Variants in POTED observed in about 807,000 individuals in gnomAD.
The protein encoded by POTED is ANKRD26-like family B member 3.
In POTED, 7 loss-of-function variants were observed where a neutral mutation model predicts 19.0. That is an observed-to-expected ratio of 0.37 (90% confidence interval 0.21 to 0.69). POTED has a LOEUF of 0.69. Ranked by LOEUF, POTED falls within the 30% of genes least tolerant of loss-of-function variation. POTED has a pLI of 0.56. For missense variants in POTED, 54 were observed against 278.5 expected, an observed-to-expected ratio of 0.19 and a Z score of 5.74; for synonymous variants, 16 against 92.0, an observed-to-expected ratio of 0.17 and a Z score of 4.73.
At position 13,634,393 on chromosome 21, in the gene POTED, T is replaced by G. The variant is rs1292335681; in HGVS notation, c.1409+3286T>G. Among the ~76,000 whole-genome samples the G allele has an allele frequency of 8.5e-5, 7 of 82,086 alleles. 3 individuals are homozygous for G. The highest frequency in any genetic ancestry group is 1.5e-4 in the Non-Finnish European group (7 of 46,294). 53.9% of individuals were successfully genotyped at this position (82,086 alleles called of 152,430 possible). On this transcript the variant is annotated intron_variant, in intron 9 of 10. Transcript: ENST00000299443. ...TCAGTGGATGTATTTAAAGCATAAG[T>G]CAAATTGTGTCATTCCTCTGCCCCA...
At chr21:13,634,495 G>T (rs2011226879) in intron 9 of POTED, among the ~76,000 whole-genome samples, 1 of 81,390 alleles carries the variant, frequency 1.2e-5, no homozygotes, top group Admixed American at 1.0e-4. Context: ...CTCTGCTTCA[G>T]CCACACTGAA....
In POTED at chr21:13,639,732, A is replaced by G; in HGVS notation, c.1533+94A>G. The G allele has an allele frequency of 8.7e-6, 5 of 575,176 alleles. 1 individual carries two copies. The highest frequency in any genetic ancestry group is 1.2e-5 in the Non-Finnish European group (5 of 427,246). The allele number at this position is 575,176 out of a possible 1,614,324, so 35.6% of individuals were successfully genotyped here. On this transcript the variant is annotated intron_variant, in intron 10 of 10. Coordinates refer to ENST00000299443, the MANE Select transcript of POTED (RefSeq NM_174981.6). ...GGTATAAAGGATTTTTAAATCACAT[A>G]TATACACACGTGTGTGTGTGTGTAT...
chr21:13,619,470 C>A (rs2011166437), intron 4 of POTED, among the ~76,000 whole-genome samples: 1 of 69,994 alleles, frequency 1.4e-5, no homozygotes, highest in Non-Finnish European at 2.5e-5. Context: ...ACTAGCTGGG[C>A]ATGGAAAAAA....
In POTED at chr21:13,640,551, T is replaced by C. The variant is rs1369947278; in HGVS notation, c.1534-794T>C. 2.5e-4 allele frequency among the ~76,000 whole-genome samples: 18 copies of C among 72,494 alleles called. 6 individuals are homozygous for C. The highest frequency in any genetic ancestry group is 4.2e-4 in the Non-Finnish European group (17 of 40,752). 47.6% of individuals were successfully genotyped at this position (72,494 alleles called of 152,430 possible). A position where few individuals can be genotyped will look rare whatever the true frequency, so the allele number is the denominator to read the frequency against. On this transcript the variant is annotated intron_variant, in intron 10 of 10. Coordinates refer to ENST00000299443, the MANE Select transcript of POTED (RefSeq NM_174981.6). ...GTGTGTGTGTGTGTGTGTGTGTGTGTTTGTGTGTGTGTATTCTAGATGGAG... is the reference window on the plus strand; with the variant it reads ...GTGTGTGTGTGTGTGTGTGTGTGTGCTTGTGTGTGTGTATTCTAGATGGAG...
At position 13,610,624 on chromosome 21, in the gene POTED, G is replaced by T. The variant is rs1313475561; in HGVS notation, c.396G>T (p.Arg132Ser). The change falls in exon 1 of 11, where the codon AGG becomes AGT. Residue 132 changes from arginine (R) to serine (S), a missense_variant. Physicochemically the swap from Arg to Ser is moderately radical, Grantham distance 110 (BLOSUM62 -1). Transcript: ENST00000299443. ...DYDHSAFMEP[R>S]YHIRREDLDK... ...ACCACAGCGCCTTCATGGAGCCGAG[G>T]TACCACATCCGTCGAGAAGATCTGG... 1.9e-6 allele frequency: 2 copies of T among 1,076,876 alleles called. 1 individual carries two copies. The highest frequency in any genetic ancestry group is 1.5e-4 in the East Asian group (2 of 13,696). The allele number at this position is 1,076,876 out of a possible 1,614,324, so 66.7% of individuals were successfully genotyped here. A position where few individuals can be genotyped will look rare whatever the true frequency, so the allele number is the denominator to read the frequency against.
At chr21:13,616,167 TG>T (rs1465402470) in intron 3 of POTED, among the ~76,000 whole-genome samples, 2 of 103,336 alleles carry the variant, frequency 1.9e-5, no homozygotes, top group African/African-American at 4.6e-5. Flanking sequence ...TGTGTGTGTG[TG>T]TGTTGTTACT....
In POTED at chr21:13,616,182, G is replaced by A. The variant is rs563137388; in HGVS notation, c.810+612G>A. Among the ~76,000 whole-genome samples the A allele has an allele frequency of 5.4e-5, 5 of 91,952 alleles. 1 individual carries two copies. Among genetic ancestry groups the A allele is most frequent in the African/African-American group, 2.7e-4 (5 of 18,532 alleles). 60.3% of individuals were successfully genotyped at this position (91,952 alleles called of 152,430 possible). A position where few individuals can be genotyped will look rare whatever the true frequency, so the allele number is the denominator to read the frequency against. ...TGTGTGTGTGTGTGTTGTTACTGTTGTTCATTCATTTGTTTCCTTTATATG... is the reference window on the plus strand; with the variant it reads ...TGTGTGTGTGTGTGTTGTTACTGTTATTCATTCATTTGTTTCCTTTATATG... On this transcript the variant is annotated intron_variant, in intron 3 of 10. Transcript: ENST00000299443.
chr21:13,615,844 C>T (rs201135615), intron 3 of POTED, among the ~76,000 whole-genome samples: 1 of 2,068 alleles, frequency 4.8e-4, no homozygotes, highest in African/African-American at 2.6e-3. Context: ...TTCAATTTTT[C>T]CCTGCCAAGT....
chr21:13,619,474 GA>G (rs1185242934), intron 4 of POTED, among the ~76,000 whole-genome samples: 1,530 of 66,744 alleles, frequency 0.023, 643 homozygotes, highest in African/African-American at 0.15. Context: ...GCTGGGCATG[GA>G]AAAAAAAAAG....
intron 1 of POTED, among the ~76,000 whole-genome samples, chr21:13,612,956 T>A (rs2011146436): frequency 1.5e-5 from 1 of 67,876 alleles, no homozygotes; most frequent in Non-Finnish European, 2.5e-5. Context: ...ATAATCAAAC[T>A]TATTTCTGGG....
In POTED at chr21:13,627,453, CA is replaced by C. The variant is rs3079029; in HGVS notation, c.1127-917del. On this transcript the variant is annotated intron_variant, in intron 6 of 10. Coordinates refer to ENST00000299443, the MANE Select transcript of POTED (RefSeq NM_174981.6). ...CAAGACCCTGGCTCAAACAAAAAAACAAAAAAAAAAAAGAAAAATGAATATA... is the reference window on the plus strand; with the variant it reads ...CAAGACCCTGGCTCAAACAAAAAAACAAAAAAAAAAAGAAAAATGAATATA... Among the ~76,000 whole-genome samples the C allele has an allele frequency of 9.7e-4, 77 of 79,130 alleles. 11 individuals are homozygous for C. Among genetic ancestry groups the C allele is most frequent in the Non-Finnish European group, 1.2e-3 (48 of 41,244 alleles). The allele number at this position is 79,130 out of a possible 152,430, so 51.9% of individuals were successfully genotyped here. A position where few individuals can be genotyped will look rare whatever the true frequency, so the allele number is the denominator to read the frequency against.
chr21:13,628,270 C>CAATTATTTTATT, intron 6 of POTED, 112 bp from the exon 7 acceptor site: 1 of 214,526 alleles, frequency 4.7e-6, no homozygotes, highest in Non-Finnish European at 9.1e-6. Context: ...AGACTAAACA[C>CAATTATTTTATT]TCAATTAATG....
At position 13,637,305 on chromosome 21, in the gene POTED, A is replaced by C. The variant is rs1437702340; in HGVS notation, c.1410-2210A>C. Among the ~76,000 whole-genome samples the C allele has an allele frequency of 5.4e-4, 38 of 70,688 alleles. 8 individuals carry two copies. Among genetic ancestry groups the C allele is most frequent in the Admixed American group, 4.1e-3 (32 of 7,880 alleles). 46.4% of individuals were successfully genotyped at this position (70,688 alleles called of 152,430 possible). A position where few individuals can be genotyped will look rare whatever the true frequency, so the allele number is the denominator to read the frequency against. ...CAACATCTGCTGTTTTTTTTATTTT[A>C]GTAGTGACCATTCTGGCTGAAGTGA... is the stretch of plus-strand genomic sequence containing the variant. On this transcript the variant is annotated intron_variant, in intron 9 of 10. Coordinates refer to ENST00000299443, the MANE Select transcript of POTED (RefSeq NM_174981.6).
At chr21:13,612,594 C>T (rs1018849638) in intron 1 of POTED, among the ~76,000 whole-genome samples, 1 of 84,718 alleles carries the variant, frequency 1.2e-5, no homozygotes, top group South Asian at 3.3e-4. Context: ...TAAGTTGCTG[C>T]GACTTTTCAA....
In POTED at chr21:13,610,771, G is replaced by A; in HGVS notation, c.521+22G>A. 2.8e-6 allele frequency: 3 copies of A among 1,073,568 alleles called. 1 individual carries two copies. Among genetic ancestry groups the A allele is most frequent in the Non-Finnish European group, 3.6e-6 (3 of 830,668 alleles). 66.5% of individuals were successfully genotyped at this position (1,073,568 alleles called of 1,614,324 possible). A position where few individuals can be genotyped will look rare whatever the true frequency, so the allele number is the denominator to read the frequency against. ...AGAGGTAACCGGGCCTGGGATGGGA[G>A]GAGGCAGGACATGGGGGGATGATGG... On this transcript the variant is annotated intron_variant, in intron 1 of 10. Transcript: ENST00000299443.
In POTED at chr21:13,626,562, T is replaced by C. The variant is rs1433455428; in HGVS notation, c.1127-1820T>C. 1.9e-5 allele frequency among the ~76,000 whole-genome samples: 2 copies of C among 103,774 alleles called. 1 individual carries two copies. Among genetic ancestry groups the C allele is most frequent in the Non-Finnish European group, 3.8e-5 (2 of 53,236 alleles). The allele number at this position is 103,774 out of a possible 152,430, so 68.1% of individuals were successfully genotyped here. ...ACCAGGGACCACTCTTGAACGTTAATGTCTAAGCATCTTAAAAGTACACAT... is the reference window on the plus strand; with the variant it reads ...ACCAGGGACCACTCTTGAACGTTAACGTCTAAGCATCTTAAAAGTACACAT... On this transcript the variant is annotated intron_variant, in intron 6 of 10. Coordinates refer to ENST00000299443, the MANE Select transcript of POTED (RefSeq NM_174981.6).
At position 13,610,646 on chromosome 21, in the gene POTED, C is replaced by A. The variant is rs1427476904; in HGVS notation, c.418C>A (p.Leu140Met). The A allele has an allele frequency of 9.3e-7, 1 of 1,077,002 alleles. No individual in the cohort carries two copies. Among genetic ancestry groups the A allele is most frequent in the South Asian group, 1.6e-5 (1 of 63,036 alleles). The allele number at this position is 1,077,002 out of a possible 1,614,324, so 66.7% of individuals were successfully genotyped here. The stretch of plus-strand genomic sequence containing the variant: ...GAGGTACCACATCCGTCGAGAAGAT[C>A]TGGACAAGCTCCACAGAGCTGCCTG... ...EPRYHIRRED[L>M]DKLHRAAWWG... The change falls in exon 1 of 11, where the codon CTG (leucine) becomes ATG (methionine). Residue 140 changes from leucine (L) to methionine (M), a missense_variant. Leu to Met is a conservative substitution (Grantham distance 15). Coordinates refer to ENST00000299443, the MANE Select transcript of POTED (RefSeq NM_174981.6).
rs376055500 is a variant in POTED, at chr21:13,635,257, G to A, written c.1409+4150G>A. 3.0e-5 allele frequency among the ~76,000 whole-genome samples: 2 copies of A among 66,938 alleles called. 1 individual carries two copies. The highest frequency in any genetic ancestry group is 2.6e-4 in the Admixed American group (2 of 7,558). 43.9% of individuals were successfully genotyped at this position (66,938 alleles called of 152,430 possible). A position where few individuals can be genotyped will look rare whatever the true frequency, so the allele number is the denominator to read the frequency against. ...AATTCTCACTTTAAAAATGTTTGAC[G>A]TGGTTCATTCTAACAGTTTTGCCCA... On this transcript the variant is annotated intron_variant, in intron 9 of 10. Transcript: ENST00000299443.
rs759586364 is a variant in POTED, at chr21:13,610,564, C to T, written c.336C>T (p.Ser112=). ...ACTGCTTCCCCTGCTGCAGGGGGAGCGGCAAGAGCAACGTGGGCGCTTGGG... is the reference window on the plus strand; with the variant it reads ...ACTGCTTCCCCTGCTGCAGGGGGAGTGGCAAGAGCAACGTGGGCGCTTGGG... ...CCHCFPCCRG[S]GKSNVGAWGD... is the part of the protein sequence containing the mutation. Residue 112 remains serine (S), a synonymous_variant, in exon 1 of 11, where the codon AGC becomes AGT. Transcript: ENST00000299443. 10 of 1,079,686 alleles carry T rather than the reference C, an allele frequency of 9.3e-6. 2 individuals are homozygous for T. Among genetic ancestry groups the T allele is most frequent in the Non-Finnish European group, 1.1e-5 (9 of 832,724 alleles). 66.9% of individuals were successfully genotyped at this position (1,079,686 alleles called of 1,614,324 possible).
Sources: allele counts gnomAD v4.1 joint callset (sites outside exome capture counted in the v4.1 genomes callset), GRCh38; gene constraint gnomAD v4.1.1; transcripts MANE v1.5; gene names NCBI Gene and HGNC (gene_info 2026-07-23, HGNC 2026-07-21).